PIP4K2A: variants seen among roughly 807,000 people sequenced by gnomAD.
PIP4K2A encodes the protein phosphatidylinositol-5-phosphate 4-kinase type 2 alpha, also known as phosphatidylinositol 5-phosphate 4-kinase type-2 alpha.
A neutral mutation model predicts 42.9 loss-of-function variants in PIP4K2A; 14 were observed. That is an observed-to-expected ratio of 0.33 (90% confidence interval 0.22 to 0.51). The LOEUF is 0.51. PIP4K2A is among the 20% of genes least tolerant of loss of function. PIP4K2A has a pLI of 0.97. For missense variants in PIP4K2A, 434 were observed against 519.8 expected (o/e 0.83, Z 1.61); for synonymous variants, 192 against 192.2 (o/e 1.00, Z 0.01).
chr10:22,585,072 C>G (rs1837362594), intron 4 of PIP4K2A, among the ~76,000 whole-genome samples: 1 of 152,226 alleles, frequency 6.6e-6, no homozygotes, highest in African/African-American at 2.4e-5. Context: ...CTAAGAAGCA[C>G]TGACACAATG....
chr10:22,653,680 G>C (rs1466671916), intron 1 of PIP4K2A, among the ~76,000 whole-genome samples: 1 of 152,124 alleles, frequency 6.6e-6, no homozygotes, highest in Non-Finnish European at 1.5e-5. Context: ...TCGGGAGGCT[G>C]AGGTGGGTGG....
chr10:22,605,100 G>A (rs1196884827), intron 3 of PIP4K2A, among the ~76,000 whole-genome samples: 2 of 152,206 alleles, frequency 1.3e-5, no homozygotes, highest in Admixed American at 6.5e-5. Flanking sequence ...ATTTTAAGAG[G>A]TACAGACACT....
At chr10:22,574,771 A>T (rs1264306768) in intron 4 of PIP4K2A, among the ~76,000 whole-genome samples, 1 of 152,168 alleles carries the variant, frequency 6.6e-6, no homozygotes, top group Non-Finnish European at 1.5e-5. Flanking sequence ...GATGAGTGAA[A>T]CATTTTCTAT....
At chr10:22,696,327 T>C (rs901834077) in intron 1 of PIP4K2A, among the ~76,000 whole-genome samples, 1 of 152,210 alleles carries the variant, frequency 6.6e-6, no homozygotes, top group South Asian at 2.1e-4. Flanking sequence ...CCAACTGTTA[T>C]AAGTGTGTTT....
At chr10:22,576,284 G>A (rs1837118975) in intron 4 of PIP4K2A, among the ~76,000 whole-genome samples, 1 of 152,190 alleles carries the variant, frequency 6.6e-6, no homozygotes, top group Non-Finnish European at 1.5e-5. Flanking sequence ...GAATGCCTGG[G>A]CTAGGAACCT....
At chr10:22,709,782 A>T (rs776739207) in intron 1 of PIP4K2A, among the ~76,000 whole-genome samples, 6 of 152,162 alleles carry the variant, frequency 3.9e-5, no homozygotes, top group Non-Finnish European at 7.3e-5. Flanking sequence ...CCAAGTTTTA[A>T]GGAGTATAAA....
At chr10:22,615,599 T>C (rs576345361) in intron 1 of PIP4K2A, among the ~76,000 whole-genome samples, 4 of 152,350 alleles carry the variant, frequency 2.6e-5, no homozygotes, top group Non-Finnish European at 5.9e-5. Flanking sequence ...TTTTAATTCA[T>C]GAAGATGAAA....
At chr10:22,634,932 G>A (rs1363374484) in intron 1 of PIP4K2A, among the ~76,000 whole-genome samples, 3 of 152,110 alleles carry the variant, frequency 2.0e-5, no homozygotes, top group Non-Finnish European at 4.4e-5. Context: ...CTGGGTCTTA[G>A]GAGATAATGA....
At position 22,664,130 on chromosome 10, in the gene PIP4K2A, CATATATATATACATATATATACACAT is replaced by C. The variant is rs1564460051; in HGVS notation, c.144+50027_144+50052del. Among the ~76,000 whole-genome samples, 15 of 40,180 alleles carry C rather than the reference CATATATATATACATATATATACACAT, an allele frequency of 3.7e-4. No homozygotes were observed. The East Asian group carries it at 5.1e-3, about 14-fold the overall frequency. The allele number at this position is 40,180 out of a possible 152,430, so 26.4% of individuals were successfully genotyped here. On this transcript the variant is annotated intron_variant, in intron 1 of 9. Transcript: ENST00000376573. ...ATATATATATACATATATATATATA[CATATATATATACATATATATACACAT>C]ATATATATATACATATATATATATA...
At chr10:22,658,770 A>T (rs1839149440) in intron 1 of PIP4K2A, among the ~76,000 whole-genome samples, 1 of 152,226 alleles carries the variant, frequency 6.6e-6, no homozygotes, top group South Asian at 2.1e-4. Context: ...CATGATCTCA[A>T]AAAGTCTGCA....
At chr10:22,644,670 G>A (rs1365511848) in intron 1 of PIP4K2A, among the ~76,000 whole-genome samples, 1 of 152,174 alleles carries the variant, frequency 6.6e-6, no homozygotes, top group Non-Finnish European at 1.5e-5. Context: ...CACCTGACCT[G>A]ACAACTTACT....
chr10:22,613,502 T>G (rs1171681702), intron 1 of PIP4K2A, among the ~76,000 whole-genome samples: 1 of 151,932 alleles, frequency 6.6e-6, no homozygotes, highest in Non-Finnish European at 1.5e-5. Flanking sequence ...GCAGAACTGA[T>G]GGAGGGAAGA....
At chr10:22,573,564 G>A in intron 4 of PIP4K2A, 107 bp from the exon 5 acceptor site, 1 of 871,722 alleles carries the variant, frequency 1.1e-6, no homozygotes, top group Non-Finnish European at 1.7e-6. Context: ...AAAACCTCCA[G>A]CCATTAGGGT....
chr10:22,608,142 C>T (rs1837949904), intron 2 of PIP4K2A, 119 bp from the exon 3 acceptor site: 1 of 619,268 alleles, frequency 1.6e-6, no homozygotes, highest in Non-Finnish European at 2.9e-6. Context: ...ACCAAAAGCA[C>T]AGGTGTGCTT....
At chr10:22,637,846 C>T (rs1291760243) in intron 1 of PIP4K2A, among the ~76,000 whole-genome samples, 1 of 152,212 alleles carries the variant, frequency 6.6e-6, no homozygotes, top group Non-Finnish European at 1.5e-5. Context: ...GTAAAAAGTA[C>T]TTGTTTACTT....
intron 1 of PIP4K2A, among the ~76,000 whole-genome samples, chr10:22,630,119 T>G (rs1039054136): frequency 1.3e-5 from 2 of 151,700 alleles, no homozygotes; most frequent in African/African-American, 4.8e-5. Context: ...GGGAAGACGC[T>G]TAAGGTCAGG....
intron 8 of PIP4K2A, 22 bp downstream of exon 8, chr10:22,541,782 G>A: frequency 6.5e-7 from 1 of 1,526,976 alleles, no homozygotes; most frequent in East Asian, 2.3e-5. Flanking sequence ...ATGCAAAAAG[G>A]GTCCACAGTA....
chr10:22,662,505 C>T (rs1211100303), intron 1 of PIP4K2A, among the ~76,000 whole-genome samples: 2 of 152,162 alleles, frequency 1.3e-5, no homozygotes, highest in Non-Finnish European at 2.9e-5. Flanking sequence ...TGATTGAAAA[C>T]GTTTTGCACA....
rs771178304 is a variant in PIP4K2A at position 22,607,970 on chromosome 10, C to A, written c.296G>T (p.Arg99Leu). 8 of 1,613,146 alleles carry A rather than the reference C, an allele frequency of 5.0e-6. No homozygotes were observed. Among genetic ancestry groups the A allele is most frequent in the African/African-American group, 1.3e-5 (1 of 74,876 alleles). Residue 99 changes from arginine (R) to leucine (L), a missense_variant, in exon 3 of 10, where the codon CGT becomes CTT. Physicochemically the swap from Arg to Leu is moderately radical, Grantham distance 102. Around this residue, in one of 2 missense-constraint regions of PIP4K2A, gnomAD observed 395 missense variants for 444.5 expected, o/e 0.89. Coordinates refer to ENST00000376573, the MANE Select transcript of PIP4K2A (RefSeq NM_005028.5). ...AATTCCAAACCTCTCCCGCAGGTTA[C>A]GGAAGACCATCGGGCAGTATTCCTT... Reference protein sequence around the residue: ...KFKEYCPMVFRNLRERFGIDD... With the variant: ...KFKEYCPMVFLNLRERFGIDD...
Sources: allele counts gnomAD v4.1 joint callset (sites outside exome capture counted in the v4.1 genomes callset), GRCh38; gene constraint gnomAD v4.1.1; regional missense constraint gnomAD v4.1.1; transcripts MANE v1.5; gene names NCBI Gene and HGNC (gene_info 2026-07-23, HGNC 2026-07-21).